Variants in CFH observed in about 807,000 individuals in gnomAD.
CFH encodes complement factor H, also known as H factor 1 (complement).
Under a neutral mutation model 147.3 loss-of-function variants are expected in CFH, and 53 were observed. That is an observed-to-expected ratio of 0.36 (90% CI 0.29 to 0.45). CFH has a LOEUF of 0.45. Among genes scored for constraint, CFH ranks in the 20% least tolerant of loss-of-function variants. CFH has a pLI of 1.00. For synonymous variants in CFH, 536 were observed against 489.4 expected (o/e 1.10, Z -1.26); for missense variants, 1,380 against 1,498.0 (o/e 0.92, Z 1.30).
chr1:196,657,526 T>C (rs538150091), intron 1 of CFH, among the ~76,000 whole-genome samples: 1 of 152,266 alleles, frequency 6.6e-6, no homozygotes, highest in South Asian at 2.1e-4. Flanking sequence ...AATGTAGAAT[T>C]TAAGTATGTG....
At chr1:196,652,793 A>G (rs1015412147) in intron 1 of CFH, among the ~76,000 whole-genome samples, 1 of 151,882 alleles carries the variant, frequency 6.6e-6, no homozygotes, top group South Asian at 2.1e-4. Flanking sequence ...TATATAACAT[A>G]TATTCTTGAA....
Position 196,690,211 on chromosome 1 carries a change from G to A in CFH, c.1308G>A (p.Trp436Ter). ...QTTVTCMENG[W>*]SPTPRCIRVK... Reference sequence around the variant, plus strand: ...CAGTTACATGTATGGAGAATGGCTGGTCTCCTACTCCCAGATGCATCCGTG... The same window carrying A: ...CAGTTACATGTATGGAGAATGGCTGATCTCCTACTCCCAGATGCATCCGTG... The change falls in exon 9 of 22, where the codon TGG becomes TGA. Residue 436 changes from tryptophan (W) to a stop codon, truncating the protein, a stop_gained. Coordinates refer to ENST00000367429, the MANE Select transcript of CFH (RefSeq NM_000186.4). LOFTEE classifies it high-confidence loss of function. 6.2e-7 allele frequency: 1 copy of A among 1,613,336 alleles called. No individual in the cohort carries two copies. Among genetic ancestry groups the A allele is most frequent in the Non-Finnish European group, 8.5e-7 (1 of 1,179,598 alleles).
rs766241195 is a variant in CFH, at chr1:196,673,133, G to T, written c.214G>T (p.Val72Phe). 1 of 1,613,588 alleles carries T rather than the reference G, an allele frequency of 6.2e-7. No individual in the cohort carries two copies. Among genetic ancestry groups the T allele is most frequent in the Non-Finnish European group, 8.5e-7 (1 of 1,179,692 alleles). The change falls in exon 2 of 22, where the codon GTT (valine) becomes TTT (phenylalanine). Residue 72 changes from valine (V) to phenylalanine (F), a missense_variant. By Grantham distance (50) the Val-to-Phe change is conservative. Transcript: ENST00000367429. ...AATGGTATGCAGGAAGGGAGAATGGGTTGCTCTTAATCCATTAAGGAAATG... is the reference window on the plus strand; with the variant it reads ...AATGGTATGCAGGAAGGGAGAATGGTTTGCTCTTAATCCATTAAGGAAATG... ...VIMVCRKGEW[V>F]ALNPLRKCQK...
At chr1:196,684,682 T>A (rs763053651) in intron 6 of CFH, among the ~76,000 whole-genome samples, 1 of 152,006 alleles carries the variant, frequency 6.6e-6, no homozygotes, top group Non-Finnish European at 1.5e-5. Flanking sequence ...GTCCTATCAA[T>A]TGTCCAGAAG....
chr1:196,684,882 G>T (rs1390045905), intron 6 of CFH, among the ~76,000 whole-genome samples, 182 bp from the exon 7 acceptor site: 1 of 151,928 alleles, frequency 6.6e-6, no homozygotes, highest in Non-Finnish European at 1.5e-5. Flanking sequence ...TGTCAGATGA[G>T]AATATAGTGA....
intron 1 of CFH, among the ~76,000 whole-genome samples, chr1:196,670,593 C>G (rs1384025577): frequency 6.6e-6 from 1 of 152,272 alleles, no homozygotes; most frequent in South Asian, 2.1e-4. Context: ...CCTTCCCCTT[C>G]CACCATGACT....
At chr1:196,731,666 T>C (rs565026855) in intron 15 of CFH, among the ~76,000 whole-genome samples, 1 of 152,148 alleles carries the variant, frequency 6.6e-6, no homozygotes, top group Admixed American at 6.6e-5. Context: ...TTAACATTTC[T>C]TGTAAGGCAG....
intron 9 of CFH, among the ~76,000 whole-genome samples, chr1:196,712,985 A>G (rs2149101729): frequency 6.6e-6 from 1 of 151,948 alleles, no homozygotes; most frequent in African/African-American, 2.4e-5. Context: ...CATGGTGTAT[A>G]TGTGCCACAT....
At chr1:196,703,194 G>C (rs548952985) in intron 9 of CFH, among the ~76,000 whole-genome samples, 1 of 152,112 alleles carries the variant, frequency 6.6e-6, no homozygotes, top group Non-Finnish European at 1.5e-5. Context: ...GTAGTCCCTG[G>C]ACCACAACAA....
intron 7 of CFH, among the ~76,000 whole-genome samples, chr1:196,687,404 G>A (rs932086983): frequency 6.6e-6 from 1 of 151,762 alleles, no homozygotes; most frequent in Non-Finnish European, 1.5e-5. Flanking sequence ...CCAAATTAGA[G>A]AATAGCTAAA....
At chr1:196,692,708 T>TTTTG (rs1558163431) in intron 9 of CFH, among the ~76,000 whole-genome samples, 17,761 of 122,720 alleles carry the variant, frequency 0.14, 3,301 homozygotes, top group African/African-American at 0.29. Context: ...CTTCCTTTCT[T>TTTTG]TTTCTTTCTT....
chr1:196,716,462 A>C (rs1668872377), intron 11 of CFH, among the ~76,000 whole-genome samples: 1 of 152,170 alleles, frequency 6.6e-6, no homozygotes, highest in Admixed American at 6.6e-5. Flanking sequence ...GACTAATGAA[A>C]ACCCATAAAA....
In CFH at chr1:196,677,641, G is replaced by A; in HGVS notation, c.593G>A (p.Trp198Ter). ...ATGCATTGTTCAGACGATGGTTTTTGGAGTAAAGAGAAACCAAAGTGTGTG... is the reference window on the plus strand; with the variant it reads ...ATGCATTGTTCAGACGATGGTTTTTAGAGTAAAGAGAAACCAAAGTGTGTG... ...EEMHCSDDGF[W>*]SKEKPKCVEI... Residue 198 changes from tryptophan to a stop codon, truncating the protein, a stop_gained, in exon 5 of 22, where the codon TGG becomes TAG. Transcript: ENST00000367429. LOFTEE classifies it high-confidence loss of function. The A allele has an allele frequency of 6.2e-7, 1 of 1,612,932 alleles. No homozygotes were observed. Among genetic ancestry groups the A allele is most frequent in the Non-Finnish European group, 8.5e-7 (1 of 1,179,190 alleles).
chr1:196,668,438 T>C (rs1292446678), intron 1 of CFH, among the ~76,000 whole-genome samples: 1 of 152,154 alleles, frequency 6.6e-6, no homozygotes, highest in African/African-American at 2.4e-5. Context: ...ATTTTTACTA[T>C]TCTCCTGGAA....
chr1:196,746,364 T>C (rs1002442031), intron 21 of CFH, among the ~76,000 whole-genome samples: 2 of 151,946 alleles, frequency 1.3e-5, no homozygotes, highest in Non-Finnish European at 2.9e-5. Context: ...GGCAGGAAAA[T>C]GGCGGGAACC....
chr1:196,704,377 C>A (rs1668536255), intron 9 of CFH, among the ~76,000 whole-genome samples: 1 of 152,166 alleles, frequency 6.6e-6, no homozygotes, highest in Non-Finnish European at 1.5e-5. Context: ...GCTGGGATTA[C>A]AGGTGTGAGC....
intron 11 of CFH, among the ~76,000 whole-genome samples, chr1:196,721,082 T>C (rs934774730): frequency 1.3e-5 from 2 of 152,032 alleles, no homozygotes; most frequent in African/African-American, 2.4e-5. Context: ...TCATATTTCT[T>C]GGTCATTTTC....
intron 11 of CFH, among the ~76,000 whole-genome samples, chr1:196,724,534 C>T (rs964813975): frequency 1.3e-5 from 2 of 152,166 alleles, no homozygotes; most frequent in Admixed American, 6.5e-5. Context: ...CCTACCTACA[C>T]TTTCTATGAG....
At chr1:196,665,903 G>A (rs1424322565) in intron 1 of CFH, among the ~76,000 whole-genome samples, 2 of 152,176 alleles carry the variant, frequency 1.3e-5, no homozygotes, top group East Asian at 1.9e-4. Context: ...CACCGCACCC[G>A]GCCCCAGTGG....
Sources: gnomAD v4.1 joint callset for allele counts (sites outside exome capture counted in the v4.1 genomes callset) on GRCh38, gnomAD v4.1.1 for gene constraint, MANE v1.5 for transcripts, NCBI Gene and HGNC (gene_info 2026-07-23, HGNC 2026-07-21) for gene names.